The following EYS variants were observed in gnomAD, a reference collection of about 807,000 sequenced individuals.
EYS encodes the protein EGF-like photoreceptor maintenance factor, also known as protein eyes shut homolog.
EYS carries 250 observed loss-of-function variants against 282.1 expected under a neutral mutation model. The ratio of observed to expected loss-of-function variants is 0.89; its 90% CI spans 0.80 to 0.98. EYS has a LOEUF of 0.98. EYS is among the 50% of genes least tolerant of loss of function. The pLI is 0.00. For synonymous variants in EYS, 1,355 were observed against 1,282.9 expected (o/e 1.06, Z -1.20); for missense variants, 4,016 against 3,709.0 (o/e 1.08, Z -2.15).
chr6:64,705,468 G>GA (rs1002298069), intron 22 of EYS, among the ~76,000 whole-genome samples: 3 of 151,518 alleles, frequency 2.0e-5, no homozygotes, highest in African/African-American at 4.9e-5. Flanking sequence ...ACAGAACTAG[G>GA]AAAAAAATCC....
intron 24 of EYS, among the ~76,000 whole-genome samples, chr6:64,608,709 T>C (rs1158007875): frequency 2.0e-5 from 3 of 152,116 alleles, no homozygotes; most frequent in Admixed American, 1.3e-4. Flanking sequence ...ATCTGGACAA[T>C]GGAACATTAT....
At chr6:65,151,613 G>A (rs1310458263) in intron 12 of EYS, among the ~76,000 whole-genome samples, 1 of 151,976 alleles carries the variant, frequency 6.6e-6, no homozygotes, top group African/African-American at 2.4e-5. Context: ...ATCACAAATA[G>A]TAATAGTTTG....
At chr6:64,809,659 T>G (rs1269961886) in intron 22 of EYS, among the ~76,000 whole-genome samples, 2 of 152,034 alleles carry the variant, frequency 1.3e-5, no homozygotes, top group Non-Finnish European at 2.9e-5. Flanking sequence ...ATAATGAAAT[T>G]ATGCCCTTTG....
At chr6:64,620,982 G>C (rs533233346) in intron 23 of EYS, among the ~76,000 whole-genome samples, 1 of 152,142 alleles carries the variant, frequency 6.6e-6, no homozygotes, top group Non-Finnish European at 1.5e-5. Flanking sequence ...GACAACTTTA[G>C]GTGACACATT....
At chr6:64,336,872 G>T (rs1021367411) in intron 29 of EYS, among the ~76,000 whole-genome samples, 4 of 152,018 alleles carry the variant, frequency 2.6e-5, no homozygotes, top group African/African-American at 9.7e-5. Context: ...GCTTCTGAAT[G>T]AACACTGGGT....
intron 26 of EYS, among the ~76,000 whole-genome samples, chr6:64,582,911 C>T (rs980795824): frequency 5.3e-5 from 8 of 152,126 alleles, no homozygotes; most frequent in African/African-American, 1.9e-4. Flanking sequence ...TACTTCTGAT[C>T]TTATTGCTCC....
intron 41 of EYS, among the ~76,000 whole-genome samples, chr6:63,756,341 C>T (rs920525517): frequency 6.6e-6 from 1 of 151,770 alleles, no homozygotes; most frequent in African/African-American, 2.4e-5. Flanking sequence ...GCATGAAAGA[C>T]TTGAATTTTG....
chr6:64,773,827 G>A (rs79003557), intron 22 of EYS, among the ~76,000 whole-genome samples: 7 of 151,504 alleles, frequency 4.6e-5, no homozygotes, highest in Non-Finnish European at 8.9e-5. Flanking sequence ...GGAGTTGTTT[G>A]TTTTTTGCTT....
At chr6:65,606,483 TATC>T (rs1305610804) in intron 2 of EYS, among the ~76,000 whole-genome samples, 2 of 151,880 alleles carry the variant, frequency 1.3e-5, no homozygotes, top group African/African-American at 2.4e-5. Context: ...ATTTAGATTA[TATC>T]ATCATTCATG....
intron 36 of EYS, among the ~76,000 whole-genome samples, chr6:63,814,728 C>T (rs553463414): frequency 5.8e-4 from 89 of 152,232 alleles, no homozygotes; most frequent in Non-Finnish European, 1.0e-3. Flanking sequence ...TATAGTATCA[C>T]AAAGTGTCAG....
chr6:64,324,575 C>T (rs961270907), intron 29 of EYS, among the ~76,000 whole-genome samples: 12 of 152,074 alleles, frequency 7.9e-5, no homozygotes, highest in African/African-American at 2.4e-4. Flanking sequence ...GACAAGGATG[C>T]CCCTCACATC....
intron 36 of EYS, among the ~76,000 whole-genome samples, chr6:63,830,736 A>G (rs946123064): frequency 2.0e-5 from 3 of 152,226 alleles, no homozygotes; most frequent in African/African-American, 7.2e-5. Flanking sequence ...ATACTCCTTG[A>G]GAAGAGCAAC....
In EYS at chr6:64,317,235, C is replaced by T. The variant is rs563681306; in HGVS notation, c.6079-10153G>A. 1.7e-4 allele frequency among the ~76,000 whole-genome samples: 25 copies of T among 151,190 alleles called. No homozygotes were observed. In the East Asian group the frequency reaches 3.7e-3, roughly 22 times the overall value. ...ATGACATCTAATTAAAGAGCTTCTG[C>T]ACAGAAAAAGAAACTATCATCAGAA... On this transcript the variant is annotated intron_variant, in intron 29 of 42. Transcript: ENST00000503581.
At chr6:65,403,931 T>G (rs1766614751) in intron 6 of EYS, among the ~76,000 whole-genome samples, 1 of 152,110 alleles carries the variant, frequency 6.6e-6, no homozygotes, top group African/African-American at 2.4e-5. Flanking sequence ...GTTTTCTATT[T>G]ATATAACAAC....
chr6:64,343,210 T>G (rs1407631350), intron 29 of EYS, among the ~76,000 whole-genome samples: 1 of 152,044 alleles, frequency 6.6e-6, no homozygotes, highest in African/African-American at 2.4e-5. Flanking sequence ...GCGGACCTAA[T>G]AGACATCTAC....
At chr6:65,453,864 C>A (rs1260756857) in intron 5 of EYS, among the ~76,000 whole-genome samples, 2 of 151,950 alleles carry the variant, frequency 1.3e-5, no homozygotes, top group African/African-American at 4.8e-5. Flanking sequence ...GAATTTCATT[C>A]TTTTTGATGG....
intron 2 of EYS, among the ~76,000 whole-genome samples, chr6:65,597,133 A>C (rs541779175): frequency 6.6e-6 from 1 of 152,240 alleles, no homozygotes; most frequent in South Asian, 2.1e-4. Context: ...AATATTTTTA[A>C]AAATGATTCC....
chr6:63,805,737 T>A (rs1770888839), intron 37 of EYS, among the ~76,000 whole-genome samples: 1 of 152,196 alleles, frequency 6.6e-6, no homozygotes, highest in African/African-American at 2.4e-5. Flanking sequence ...GTTCTCGTGA[T>A]AGTGAGTGAG....
chr6:64,431,753 T>G (rs1774582675), intron 28 of EYS, among the ~76,000 whole-genome samples: 1 of 152,114 alleles, frequency 6.6e-6, no homozygotes, highest in East Asian at 1.9e-4. Flanking sequence ...TTCTCATTCC[T>G]TCCTACCTAA....
Sources: gnomAD v4.1 joint callset for allele counts (sites outside exome capture counted in the v4.1 genomes callset) on GRCh38, gnomAD v4.1.1 for gene constraint, MANE v1.5 for transcripts, NCBI Gene and HGNC (gene_info 2026-07-23, HGNC 2026-07-21) for gene names.